The following ERCC3 variants were observed in gnomAD, a reference collection of about 807,000 sequenced individuals.
ERCC3 encodes general transcription and DNA repair factor IIH helicase/translocase subunit XPB.
ERCC3 carries 66 observed loss-of-function variants against 94.2 expected under a neutral mutation model. The observed-to-expected ratio is 0.70, with a 90% CI of 0.57 to 0.86. The LOEUF (loss-of-function observed/expected upper bound fraction) is 0.86, where lower values mean the gene tolerates loss of function less well. Among genes scored for constraint, ERCC3 ranks in the 40% least tolerant of loss-of-function variants. The probability of loss-of-function intolerance (pLI) is 0.00; values close to 1 mark genes in which losing one functional copy is unlikely to be tolerated. For synonymous variants in ERCC3, 349 were observed against 369.1 expected (o/e 0.95, Z 0.63); for missense variants, 829 against 987.1 (o/e 0.84, Z 2.15).
At position 127,270,079 on chromosome 2, in the gene ERCC3, G is replaced by A. The variant is rs549096171; in HGVS notation, c.1945+1257C>T. 9.2e-5 allele frequency among the ~76,000 whole-genome samples: 14 copies of A among 152,192 alleles called. 1 individual carries two copies. The East Asian group carries it at 2.5e-3, about 27-fold the overall frequency. ...GTTTTCAAATTAGAGTAAGGAATAA[G>A]TAATGAATTATATTCACATTTGCTA... On this transcript the variant is annotated intron_variant, in intron 12 of 14. Transcript: ENST00000285398.
chr2:127,282,195 C>G (rs1684936920), intron 8 of ERCC3, among the ~76,000 whole-genome samples: 1 of 152,228 alleles, frequency 6.6e-6, no homozygotes, highest in South Asian at 2.1e-4. Flanking sequence ...AACTAGCACT[C>G]TTCCTTGAGG....
rs766693494 is a variant in ERCC3 at position 127,292,841 on chromosome 2, G to A, written c.240C>T (p.Pro80=). Residue 80 remains proline (P), a synonymous_variant, in exon 3 of 15, where the codon CCC becomes CCT. Coordinates refer to ENST00000285398, the MANE Select transcript of ERCC3 (RefSeq NM_000122.2). ...DHTSRPLWVA[P]DGHIFLEAFS... is the part of the protein sequence containing the mutation. ...AGGCTTCCAAGAAGATATGGCCATC[G>A]GGAGCCTGAGAGATACCAAATGGAC... 35 of 1,604,438 alleles carry A rather than the reference G, an allele frequency of 2.2e-5. No individual in the cohort carries two copies. In the African/African-American group the frequency reaches 2.3e-4, roughly 10 times the overall value.
chr2:127,285,124 C>T (rs1685024606), intron 8 of ERCC3, among the ~76,000 whole-genome samples: 1 of 152,086 alleles, frequency 6.6e-6, no homozygotes, highest in African/African-American at 2.4e-5. Flanking sequence ...TGAAAGAAGC[C>T]AGACATAATA....
intron 12 of ERCC3, among the ~76,000 whole-genome samples, chr2:127,266,333 CTTTTTTT>C (rs58029182): frequency 4.7e-4 from 52 of 111,352 alleles, no homozygotes; most frequent in East Asian, 2.4e-3. Flanking sequence ...TTTATTGAGT[CTTTTTTT>C]TTTTTTTTTT....
Position 127,259,608 on chromosome 2 carries a change from G to T in ERCC3, c.2065-160C>A. On this transcript the variant is annotated intron_variant, in intron 13 of 14. Coordinates refer to ENST00000285398, the MANE Select transcript of ERCC3 (RefSeq NM_000122.2). The surrounding 1 kb of genome is among the most constrained non-coding windows in gnomAD (Gnocchi z 4.9). ...CTCCTCCCTAGCATTCCAGAGACCA[G>T]CATCAGGAGCCGCCTTTAACAGGGA... 1.2e-6 allele frequency: 1 copy of T among 853,706 alleles called. No individual in the cohort carries two copies. Among genetic ancestry groups the T allele is most frequent in the Non-Finnish European group, 1.9e-6 (1 of 512,934 alleles). The allele number at this position is 853,706 out of a possible 1,614,324, so 52.9% of individuals were successfully genotyped here. A position where few individuals can be genotyped will look rare whatever the true frequency, so the allele number is the denominator to read the frequency against.
At position 127,280,699 on chromosome 2, in the gene ERCC3, A is replaced by C; in HGVS notation, c.1343-68T>G. 1 of 1,405,888 alleles carries C rather than the reference A, an allele frequency of 7.1e-7. No homozygotes were observed. Among genetic ancestry groups the C allele is most frequent in the South Asian group, 1.3e-5 (1 of 78,924 alleles). The allele number at this position is 1,405,888 out of a possible 1,614,324, so 87.1% of individuals were successfully genotyped here. A position where few individuals can be genotyped will look rare whatever the true frequency, so the allele number is the denominator to read the frequency against. ...TTATTTTTTATTTATTTATTTTAAA[A>C]TATTTTTTGTAGAGATGGGGTCTCA... On this transcript the variant is annotated intron_variant, in intron 8 of 14. Coordinates refer to ENST00000285398, the MANE Select transcript of ERCC3 (RefSeq NM_000122.2). The surrounding 1 kb of genome is among the most constrained non-coding windows in gnomAD (Gnocchi z 6.3).
Position 127,257,567 on chromosome 2 carries a change from G to A in ERCC3, c.*29C>T, listed in dbSNP as rs4150523. 17,086 of 1,612,784 alleles carry A rather than the reference G, an allele frequency of 0.011. 109 individuals are homozygous for A. Among genetic ancestry groups the A allele is most frequent in the Non-Finnish European group, 0.013 (15,703 of 1,179,832 alleles). ...CTTTCCAACAAGGGTGCCAAGCGCC[G>A]GTCTTGAACGAAGTACCCTGCCTAA... On this transcript the variant is annotated 3_prime_UTR_variant, in exon 15 of 15. Coordinates refer to ENST00000285398, the MANE Select transcript of ERCC3 (RefSeq NM_000122.2). This position sits in a 1 kb window ranked among gnomAD's most constrained non-coding sequence, Gnocchi z 5.4.
intron 12 of ERCC3, chr2:127,262,964 GC>G (rs1158959194): frequency 1.3e-5 from 2 of 152,156 alleles, no homozygotes; most frequent in African/African-American, 4.8e-5. Flanking sequence ...ACATCAGTTG[GC>G]TGCAGGTACA....
chr2:127,269,514 C>T (rs953837368), intron 12 of ERCC3, among the ~76,000 whole-genome samples: 7 of 150,398 alleles, frequency 4.7e-5, no homozygotes, highest in Non-Finnish European at 1.0e-4. Context: ...CTCTGCCTCC[C>T]GGGTTCACGC....
At chr2:127,268,761 G>A (rs996136807) in intron 12 of ERCC3, among the ~76,000 whole-genome samples, 1 of 152,182 alleles carries the variant, frequency 6.6e-6, no homozygotes, top group Non-Finnish European at 1.5e-5. Context: ...ATCTTGTACA[G>A]CAGGAAGAGT....
At chr2:127,273,426 T>A (rs1056359140) in intron 10 of ERCC3, among the ~76,000 whole-genome samples, 3 of 152,080 alleles carry the variant, frequency 2.0e-5, no homozygotes, top group Non-Finnish European at 4.4e-5. Context: ...TGATTTCCCA[T>A]AACACTAAGT....
chr2:127,290,013 G>A, intron 4 of ERCC3, 189 bp from the exon 5 acceptor site: 1 of 799,714 alleles, frequency 1.3e-6, no homozygotes. Context: ...GGTCAAGTAG[G>A]CAGGGGCCTG....
intron 8 of ERCC3, among the ~76,000 whole-genome samples, chr2:127,282,644 T>C (rs1382459638): frequency 6.6e-6 from 1 of 152,156 alleles, no homozygotes; most frequent in African/African-American, 2.4e-5. Flanking sequence ...TTACTGTGAC[T>C]TCCTAGCATT....
chr2:127,271,738 A>T lies in ERCC3; in HGVS notation c.1828-285T>A, dbSNP rs1224732239. Among the ~76,000 whole-genome samples, 1 of 152,146 alleles carries T rather than the reference A, an allele frequency of 6.6e-6. No homozygotes were observed. Among genetic ancestry groups the T allele is most frequent in the Non-Finnish European group, 1.5e-5 (1 of 68,026 alleles). ...TGGGTGCCAGGAGCCCAGAGATGAG[A>T]GGGCCCTTGAACAGAGACTGACTTT... On this transcript the variant is annotated intron_variant, in intron 11 of 14. Coordinates refer to ENST00000285398, the MANE Select transcript of ERCC3 (RefSeq NM_000122.2). The surrounding 1 kb of genome is among the most constrained non-coding windows in gnomAD (Gnocchi z 5.0).
chr2:127,287,091 C>A, intron 7 of ERCC3, 74 bp from the exon 8 acceptor site: 1 of 1,144,498 alleles, frequency 8.7e-7, no homozygotes, highest in Non-Finnish European at 1.3e-6. Flanking sequence ...GAATGACTCA[C>A]AAGTACAGCA....
Position 127,257,585 on chromosome 2 carries a change from C to T in ERCC3, c.*11G>A. On this transcript the variant is annotated 3_prime_UTR_variant, in exon 15 of 15. Transcript: ENST00000285398. This position sits in a 1 kb window ranked among gnomAD's most constrained non-coding sequence, Gnocchi z 5.4. ...AAGCGCCGGTCTTGAACGAAGTACC[C>T]TGCCTAAGCATCATTTCCTAAAGCG... 1 of 1,613,596 alleles carries T rather than the reference C, an allele frequency of 6.2e-7. No homozygotes were observed. Among genetic ancestry groups the T allele is most frequent in the Admixed American group, 1.7e-5 (1 of 60,022 alleles).
In ERCC3 at chr2:127,292,752, G is replaced by A; in HGVS notation, c.329C>T (p.Pro110Leu). ...LVAIAEPVCRPTHVHEYKLTA... is the reference protein window; with the variant it reads ...LVAIAEPVCRLTHVHEYKLTA... ...TAGTTTGTACTCATGCACATGGGTT[G>A]GTCGGCACACTGGCTCTGCAATAGC... The change falls in exon 3 of 15, where the codon CCA (proline) becomes CTA (leucine). Residue 110 changes from proline (P) to leucine (L), a missense_variant. Pro to Leu is a moderately conservative substitution (Grantham distance 98). Coordinates refer to ENST00000285398, the MANE Select transcript of ERCC3 (RefSeq NM_000122.2). 1.2e-6 allele frequency: 2 copies of A among 1,613,786 alleles called. No homozygotes were observed. The highest frequency in any genetic ancestry group is 1.7e-6 in the Non-Finnish European group (2 of 1,179,834).
chr2:127,280,394 C>T lies in ERCC3; in HGVS notation c.1527+53G>A. The T allele has an allele frequency of 6.6e-7, 1 of 1,508,134 alleles. No individual in the cohort carries two copies. Among genetic ancestry groups the T allele is most frequent in the Non-Finnish European group, 9.1e-7 (1 of 1,098,482 alleles). The allele number at this position is 1,508,134 out of a possible 1,614,324, so 93.4% of individuals were successfully genotyped here. ...ATGAGGAATCGATCTGATCACTCCC[C>T]TGCCCATAGGAGGAGGCCCTTTCCC... On this transcript the variant is annotated intron_variant, in intron 9 of 14. Transcript: ENST00000285398. The surrounding 1 kb of genome is among the most constrained non-coding windows in gnomAD (Gnocchi z 6.3).
At chr2:127,265,151 A>AT (rs1405162659) in intron 12 of ERCC3, among the ~76,000 whole-genome samples, 53 of 149,244 alleles carry the variant, frequency 3.6e-4, no homozygotes, top group African/African-American at 3.2e-4. Context: ...CTGGGGCCAT[A>AT]TTTTTTTTTT....
Sources: allele counts gnomAD v4.1 joint callset (sites outside exome capture counted in the v4.1 genomes callset), GRCh38; gene constraint gnomAD v4.1.1; non-coding constraint Gnocchi (gnomAD v3.1); transcripts MANE v1.5; gene names NCBI Gene and HGNC (gene_info 2026-07-23, HGNC 2026-07-21).